The following GRIA2 variants were observed in gnomAD, a reference collection of about 807,000 sequenced individuals.
The protein encoded by GRIA2 is glutamate receptor 2.
A neutral mutation model predicts 97.3 loss-of-function variants in GRIA2; 14 were observed. The observed-to-expected ratio is 0.14, with a 90% CI of 0.10 to 0.23. GRIA2 has a LOEUF of 0.23. GRIA2 is among the 10% of genes least tolerant of loss of function. GRIA2 has a pLI of 1.00. For synonymous variants in GRIA2, 412 were observed against 387.8 expected, an observed-to-expected ratio of 1.06 and a Z score of -0.73; for missense variants, 558 against 1,069.8, an observed-to-expected ratio of 0.52 and a Z score of 6.67.
intron 2 of GRIA2, among the ~76,000 whole-genome samples, chr4:157,271,674 C>T (rs1243697382): frequency 1.3e-5 from 2 of 151,996 alleles, no homozygotes; most frequent in African/African-American, 4.8e-5. Flanking sequence ...CATTGGTGAT[C>T]GACTTAGTCT....
At chr4:157,222,033 A>C (rs1579281737) in intron 2 of GRIA2, among the ~76,000 whole-genome samples, 1 of 152,080 alleles carries the variant, frequency 6.6e-6, no homozygotes, top group African/African-American at 2.4e-5. Flanking sequence ...AAGGACGTCA[A>C]GAGTGTGCGC....
At chr4:157,280,124 C>G (rs1732529154) in intron 2 of GRIA2, among the ~76,000 whole-genome samples, 1 of 151,962 alleles carries the variant, frequency 6.6e-6, no homozygotes, top group South Asian at 2.1e-4. Flanking sequence ...GACTTTGGCT[C>G]AAACAAACAA....
intron 2 of GRIA2, among the ~76,000 whole-genome samples, chr4:157,223,380 G>A (rs1052434933): frequency 6.6e-6 from 1 of 152,094 alleles, no homozygotes; most frequent in Non-Finnish European, 1.5e-5. Flanking sequence ...AAAGAAGGGC[G>A]GGTGTGGGGG....
rs892963005 is a variant in GRIA2, at chr4:157,319,836, C to T, written c.721-1602C>T. The stretch of plus-strand genomic sequence containing the variant: ...CCTAAAACACAGTGTATAATTAAGT[C>T]CCTTACAACAGCACTGAAAAGGGTA... On this transcript the variant is annotated intron_variant, in intron 5 of 15. Coordinates refer to ENST00000264426, the MANE Select transcript of GRIA2 (RefSeq NM_001083619.3). Among the ~76,000 whole-genome samples the T allele has an allele frequency of 3.2e-4, 48 of 151,952 alleles. 1 individual carries two copies. Among genetic ancestry groups the T allele is most frequent in the African/African-American group, 1.1e-3 (45 of 41,404 alleles).
intron 2 of GRIA2, among the ~76,000 whole-genome samples, chr4:157,228,034 C>T (rs1395589961): frequency 6.6e-6 from 1 of 152,090 alleles, no homozygotes; most frequent in African/African-American, 2.4e-5. Flanking sequence ...TTTTTGTCAT[C>T]TTTGATAATT....
At chr4:157,349,966 T>G (rs1158904812) in intron 12 of GRIA2, among the ~76,000 whole-genome samples, 1 of 152,160 alleles carries the variant, frequency 6.6e-6, no homozygotes, top group Non-Finnish European at 1.5e-5. Flanking sequence ...CCAAATTCTG[T>G]TCATTTTAGA....
chr4:157,259,367 C>T (rs1202527346), intron 2 of GRIA2, among the ~76,000 whole-genome samples: 1 of 152,090 alleles, frequency 6.6e-6, no homozygotes, highest in African/African-American at 2.4e-5. Context: ...GTGAAGCTCC[C>T]TTGAACAAAT....
At chr4:157,271,709 G>T (rs1353183570) in intron 2 of GRIA2, among the ~76,000 whole-genome samples, 1 of 152,066 alleles carries the variant, frequency 6.6e-6, no homozygotes, top group East Asian at 1.9e-4. Flanking sequence ...CTCCCTGGAG[G>T]TTGTGGGTGG....
In GRIA2 at chr4:157,310,360, T is replaced by C. The variant is rs191665455; in HGVS notation, c.470-2319T>C. The stretch of plus-strand genomic sequence containing the variant: ...TTTTGCCAGAAAAAAAGTTAACTTT[T>C]TTCAGCATGTGGTTCAATCTTCCAT... On this transcript the variant is annotated intron_variant, in intron 3 of 15. Transcript: ENST00000264426. 1.6e-4 allele frequency among the ~76,000 whole-genome samples: 25 copies of C among 152,324 alleles called. No homozygotes were observed. In the East Asian group the frequency reaches 4.6e-3, roughly 28 times the overall value.
chr4:157,271,516 T>C (rs1052528861), intron 2 of GRIA2, among the ~76,000 whole-genome samples: 1 of 152,096 alleles, frequency 6.6e-6, no homozygotes, highest in African/African-American at 2.4e-5. Context: ...AAGATAAATA[T>C]GAAGAGACAC....
intron 2 of GRIA2, among the ~76,000 whole-genome samples, chr4:157,240,159 G>A (rs977558809): frequency 6.6e-6 from 1 of 152,054 alleles, no homozygotes; most frequent in East Asian, 1.9e-4. Context: ...GCACATATAA[G>A]TGTGCATGCA....
At chr4:157,246,187 C>G (rs919242690) in intron 2 of GRIA2, among the ~76,000 whole-genome samples, 1 of 151,966 alleles carries the variant, frequency 6.6e-6, no homozygotes, top group Non-Finnish European at 1.5e-5. Context: ...CAGTTTATTT[C>G]TTTGTTATTC....
intron 2 of GRIA2, among the ~76,000 whole-genome samples, chr4:157,230,322 CAAAT>C (rs1729944452): frequency 1.3e-5 from 2 of 152,018 alleles, no homozygotes; most frequent in South Asian, 4.1e-4. Flanking sequence ...CATGTTCAAA[CAAAT>C]AGTTTCAAGG....
At chr4:157,290,951 A>G (rs1385086318) in intron 2 of GRIA2, among the ~76,000 whole-genome samples, 5 of 151,934 alleles carry the variant, frequency 3.3e-5, no homozygotes, top group Non-Finnish European at 7.4e-5. Flanking sequence ...ATACTCTGTG[A>G]TTTATATACA....
chr4:157,356,859 A>G (rs1736405504), intron 12 of GRIA2, among the ~76,000 whole-genome samples: 3 of 152,138 alleles, frequency 2.0e-5, no homozygotes, highest in Admixed American at 6.6e-5. Flanking sequence ...AAATATATGA[A>G]TTAGGCCAAA....
chr4:157,342,305 A>G (rs572180249), intron 12 of GRIA2: 14 of 984,788 alleles, frequency 1.4e-5, no homozygotes, highest in Non-Finnish European at 1.7e-5. Context: ...TCAAAATTTG[A>G]AGACTATCTC....
intron 6 of GRIA2, among the ~76,000 whole-genome samples, chr4:157,322,063 A>T (rs895803981): frequency 6.6e-6 from 1 of 152,234 alleles, no homozygotes; most frequent in Middle Eastern, 3.4e-3. Context: ...ATAAGGGACA[A>T]TTTTACCCTG....
intron 2 of GRIA2, among the ~76,000 whole-genome samples, chr4:157,229,906 A>C (rs1254609247): frequency 6.6e-6 from 1 of 152,178 alleles, no homozygotes; most frequent in Non-Finnish European, 1.5e-5. Context: ...GTACTCCTGC[A>C]ATGTAAATAT....
intron 2 of GRIA2, among the ~76,000 whole-genome samples, chr4:157,253,267 C>T (rs758293928): frequency 6.6e-6 from 1 of 151,944 alleles, no homozygotes; most frequent in Non-Finnish European, 1.5e-5. Flanking sequence ...CAGGCACACA[C>T]CACCACACCT....
Sources: allele counts gnomAD v4.1 joint callset (sites outside exome capture counted in the v4.1 genomes callset), GRCh38; gene constraint gnomAD v4.1.1; transcripts MANE v1.5; gene names NCBI Gene and HGNC (gene_info 2026-07-23, HGNC 2026-07-21).